GALNTL6: variants seen among roughly 807,000 people sequenced by gnomAD.
GALNTL6 encodes the protein polypeptide N-acetylgalactosaminyltransferase like 6, also known as polypeptide N-acetylgalactosaminyltransferase-like 6.
A neutral mutation model predicts 73.7 loss-of-function variants in GALNTL6; 46 were observed. That is an observed-to-expected ratio of 0.62 (90% confidence interval 0.49 to 0.80). The LOEUF is 0.80. Among genes scored for constraint, GALNTL6 ranks in the 30% least tolerant of loss-of-function variants. GALNTL6 has a pLI of 0.00. For synonymous variants in GALNTL6, 259 were observed against 263.7 expected (o/e 0.98, Z 0.17); for missense variants, 604 against 755.0 (o/e 0.80, Z 2.34).
chr4:172,563,137 T>C (rs962510560), intron 5 of GALNTL6, among the ~76,000 whole-genome samples: 1 of 152,200 alleles, frequency 6.6e-6, no homozygotes, highest in Non-Finnish European at 1.5e-5. Flanking sequence ...TCCACTCTGC[T>C]TTCTCTCTTC....
intron 2 of GALNTL6, among the ~76,000 whole-genome samples, chr4:171,871,285 A>G (rs1378855976): frequency 1.3e-5 from 2 of 152,182 alleles, no homozygotes; most frequent in African/African-American, 4.8e-5. Flanking sequence ...ACACATAGTA[A>G]CAGACTAACA....
At chr4:171,987,601 C>A (rs1740142369) in intron 2 of GALNTL6, among the ~76,000 whole-genome samples, 1 of 152,058 alleles carries the variant, frequency 6.6e-6, no homozygotes, top group South Asian at 2.1e-4. Flanking sequence ...AGGGAAGGGG[C>A]CTGAATAATC....
At chr4:172,004,005 GT>G in intron 2 of GALNTL6, among the ~76,000 whole-genome samples, 1 of 152,218 alleles carries the variant, frequency 6.6e-6, no homozygotes, top group Admixed American at 6.6e-5. Flanking sequence ...TATGAATCAA[GT>G]TTTCATAAAT....
Position 171,928,665 on chromosome 4 carries a change from A to G in GALNTL6, c.138+113947A>G, listed in dbSNP as rs759697873. Among the ~76,000 whole-genome samples the G allele has an allele frequency of 2.6e-5, 4 of 152,234 alleles. No individual in the cohort carries two copies. In the East Asian group the frequency reaches 5.8e-4, roughly 22 times the overall value. ...AGACCACATATGCAACAGTGGTCCCATAAGATTATAATACCGTATTTTACT... is the reference window on the plus strand; with the variant it reads ...AGACCACATATGCAACAGTGGTCCCGTAAGATTATAATACCGTATTTTACT... On this transcript the variant is annotated intron_variant, in intron 2 of 12. Transcript: ENST00000506823.
chr4:172,374,547 T>C (rs1369165238), intron 5 of GALNTL6, among the ~76,000 whole-genome samples: 3 of 152,320 alleles, frequency 2.0e-5, no homozygotes, highest in South Asian at 4.1e-4. Flanking sequence ...CCCTGAGTTA[T>C]GGTAGACATC....
At chr4:172,101,981 A>G (rs1322479793) in intron 2 of GALNTL6, among the ~76,000 whole-genome samples, 7 of 152,138 alleles carry the variant, frequency 4.6e-5, no homozygotes, top group Non-Finnish European at 8.8e-5. Context: ...AAATCATGGT[A>G]AAAAGAAAGC....
chr4:172,814,949 AG>A (rs1264202103), intron 7 of GALNTL6, among the ~76,000 whole-genome samples: 1 of 152,196 alleles, frequency 6.6e-6, no homozygotes, highest in Non-Finnish European at 1.5e-5. Flanking sequence ...GTTTTTGAAA[AG>A]AAATAATAAA....
intron 7 of GALNTL6, among the ~76,000 whole-genome samples, chr4:172,853,219 A>G (rs1258754104): frequency 6.6e-6 from 1 of 152,156 alleles, no homozygotes; most frequent in Non-Finnish European, 1.5e-5. Context: ...TTGTTGAAAG[A>G]ATTCAGTTCT....
chr4:172,308,114 G>A lies in GALNTL6; in HGVS notation c.248-3500G>A, dbSNP rs185866571. On this transcript the variant is annotated intron_variant, in intron 3 of 12. Transcript: ENST00000506823. ...TGGTACATAGCAGTGTTACTGATTT[G>A]TATTCATCGATTTTGTATACCGAAA... Among the ~76,000 whole-genome samples, 752 of 129,430 alleles carry A rather than the reference G, an allele frequency of 5.8e-3. 5 individuals carry two copies. Among genetic ancestry groups the A allele is most frequent in the Non-Finnish European group, 9.3e-3 (589 of 63,538 alleles). The allele number at this position is 129,430 out of a possible 152,430, so 84.9% of individuals were successfully genotyped here.
chr4:172,164,653 G>A (rs1327040225), intron 2 of GALNTL6, among the ~76,000 whole-genome samples: 1 of 151,888 alleles, frequency 6.6e-6, no homozygotes, highest in Non-Finnish European at 1.5e-5. Flanking sequence ...CTGCAAAATA[G>A]ATGAGCTAGG....
intron 2 of GALNTL6, among the ~76,000 whole-genome samples, chr4:171,892,743 T>G (rs1234009209): frequency 6.6e-6 from 1 of 152,192 alleles, no homozygotes; most frequent in Non-Finnish European, 1.5e-5. Context: ...TTAAAAAAAT[T>G]TGTATAGACG....
At chr4:172,131,515 T>C (rs1733497817) in intron 2 of GALNTL6, among the ~76,000 whole-genome samples, 1 of 149,074 alleles carries the variant, frequency 6.7e-6, no homozygotes, top group South Asian at 2.1e-4. Context: ...TATGTGTGCA[T>C]ATATATACAC....
In GALNTL6 at chr4:172,344,997, T is replaced by C. The variant is rs188340264; in HGVS notation, c.387-3526T>C. Among the ~76,000 whole-genome samples the C allele has an allele frequency of 3.3e-5, 5 of 152,312 alleles. No individual in the cohort carries two copies. In the East Asian group the frequency reaches 9.6e-4, roughly 29 times the overall value. On this transcript the variant is annotated intron_variant, in intron 4 of 12. Coordinates refer to ENST00000506823, the MANE Select transcript of GALNTL6 (RefSeq NM_001034845.3). Reference sequence around the variant, plus strand: ...AACAATGACCGTAATAATGACAGTATTTATTAAACCCCTGCTATTATTAGA... The same window carrying C: ...AACAATGACCGTAATAATGACAGTACTTATTAAACCCCTGCTATTATTAGA...
chr4:172,668,092 A>G (rs1433160043), intron 5 of GALNTL6: 1 of 152,194 alleles, frequency 6.6e-6, no homozygotes, highest in Non-Finnish European at 1.5e-5. Context: ...GAGAAGGTAT[A>G]TTTGTAATTT....
At chr4:172,361,674 GT>G (rs1742376072) in intron 5 of GALNTL6, among the ~76,000 whole-genome samples, 1 of 151,790 alleles carries the variant, frequency 6.6e-6, no homozygotes, top group African/African-American at 2.4e-5. Context: ...TTTTTCATTA[GT>G]GAGTCAAAAG....
chr4:172,043,915 T>C (rs1742152785), intron 2 of GALNTL6, among the ~76,000 whole-genome samples: 1 of 152,046 alleles, frequency 6.6e-6, no homozygotes. Context: ...AATAGAGAAA[T>C]ATAACTATTC....
chr4:172,597,701 G>A (rs1036003436), intron 5 of GALNTL6, among the ~76,000 whole-genome samples: 1 of 152,094 alleles, frequency 6.6e-6, no homozygotes. Context: ...AGTTTAATTT[G>A]TTGTCAATAC....
rs1332500988 is a variant in GALNTL6, at chr4:172,383,258, T to C, written c.553+34569T>C. On this transcript the variant is annotated intron_variant, in intron 5 of 12. Transcript: ENST00000506823. ...TTAACAATATTGTCTTCCAGTTCTT[T>C]TCATTTTTTTTAGATTTTCTGTAAC... is the stretch of plus-strand genomic sequence containing the variant. Among the ~76,000 whole-genome samples, 3 of 11,806 alleles carry C rather than the reference T, an allele frequency of 2.5e-4. No homozygotes were observed. The East Asian group carries it at 0.054, about 211-fold the overall frequency. The allele number at this position is 11,806 out of a possible 152,430, so 7.7% of individuals were successfully genotyped here.
chr4:172,822,323 C>A (rs971856163), intron 7 of GALNTL6, among the ~76,000 whole-genome samples: 1 of 151,922 alleles, frequency 6.6e-6, no homozygotes, highest in East Asian at 1.9e-4. Flanking sequence ...TTTCTCACTG[C>A]GACTTCTGTA....
Sources: allele counts gnomAD v4.1 joint callset (sites outside exome capture counted in the v4.1 genomes callset), GRCh38; gene constraint gnomAD v4.1.1; transcripts MANE v1.5; gene names NCBI Gene and HGNC (gene_info 2026-07-23, HGNC 2026-07-21).